HMBOX1: variants seen among roughly 807,000 people sequenced by gnomAD.
HMBOX1 encodes the protein homeobox-containing protein 1.
HMBOX1 carries 14 observed loss-of-function variants against 54.5 expected under a neutral mutation model. That is an observed-to-expected ratio of 0.26 (90% CI 0.17 to 0.40). HMBOX1 has a LOEUF of 0.40. Among genes scored for constraint, HMBOX1 ranks in the 10% least tolerant of loss-of-function variants. HMBOX1 has a pLI of 1.00. For missense variants in HMBOX1, 332 were observed against 514.4 expected (o/e 0.65, Z 3.43); for synonymous variants, 160 against 181.0 (o/e 0.88, Z 0.93).
At position 29,041,818 on chromosome 8, in the gene HMBOX1, T is replaced by G. The variant is rs114687295; in HGVS notation, c.852-3543T>G. Among the ~76,000 whole-genome samples, 334 of 151,696 alleles carry G rather than the reference T, an allele frequency of 2.2e-3. 1 individual carries two copies. Among genetic ancestry groups the G allele is most frequent in the African/African-American group, 7.7e-3 (318 of 41,332 alleles). On this transcript the variant is annotated intron_variant, in intron 6 of 9. Coordinates refer to ENST00000287701, the MANE Select transcript of HMBOX1 (RefSeq NM_001135726.3). The stretch of plus-strand genomic sequence containing the variant: ...AGCAGATAAAGATGTAGAGGTTGTT[T>G]GCGGGGGGACTTTGAACACCTCTAT...
chr8:28,907,981 G>C (rs1814668921), intron 1 of HMBOX1, among the ~76,000 whole-genome samples: 1 of 151,850 alleles, frequency 6.6e-6, no homozygotes, highest in African/African-American at 2.4e-5. Context: ...GATTATCTGG[G>C]ACCACAGGTA....
intron 5 of HMBOX1, among the ~76,000 whole-genome samples, chr8:29,011,715 T>G (rs78597210): frequency 6.7e-6 from 1 of 149,108 alleles, no homozygotes; most frequent in Non-Finnish European, 1.5e-5. Flanking sequence ...CCAAAGCTGG[T>G]TTTTTTTTTA....
chr8:28,957,754 C>A (rs1312303615), intron 1 of HMBOX1, among the ~76,000 whole-genome samples: 3 of 152,178 alleles, frequency 2.0e-5, no homozygotes, highest in Non-Finnish European at 4.4e-5. Context: ...TTCTGAGTAG[C>A]TGGGATTATA....
intron 1 of HMBOX1, among the ~76,000 whole-genome samples, chr8:28,920,140 C>T (rs1222068990): frequency 6.6e-6 from 1 of 152,152 alleles, no homozygotes; most frequent in African/African-American, 2.4e-5. Context: ...ACTTGACAAC[C>T]TAGTTTCAAA....
intron 1 of HMBOX1, among the ~76,000 whole-genome samples, chr8:28,906,206 T>C (rs1345239384): frequency 6.6e-6 from 1 of 152,238 alleles, no homozygotes; most frequent in Non-Finnish European, 1.5e-5. Flanking sequence ...CTTGTTAAAG[T>C]TGTTAATTAC....
chr8:28,992,608 T>G (rs1831149553), intron 4 of HMBOX1, among the ~76,000 whole-genome samples: 1 of 151,968 alleles, frequency 6.6e-6, no homozygotes, highest in South Asian at 2.1e-4. Flanking sequence ...CGGTGGCTCA[T>G]GCCTGTAATC....
chr8:29,050,934 G>A (rs1806354062), intron 9 of HMBOX1, 84 bp from the exon 10 acceptor site: 1 of 1,380,810 alleles, frequency 7.2e-7, no homozygotes, highest in Non-Finnish European at 9.9e-7. Flanking sequence ...CGAATGTTCT[G>A]CCTCCCCTTG....
At chr8:28,985,066 T>G (rs553211042) in intron 4 of HMBOX1, among the ~76,000 whole-genome samples, 1 of 152,352 alleles carries the variant, frequency 6.6e-6, no homozygotes, top group African/African-American at 2.4e-5. Flanking sequence ...CTTATTTTCC[T>G]TATGTATAAG....
intron 1 of HMBOX1, among the ~76,000 whole-genome samples, chr8:28,954,445 T>G (rs1481250107): frequency 1.3e-5 from 2 of 152,208 alleles, no homozygotes; most frequent in African/African-American, 2.4e-5. Context: ...TTCTTAATTC[T>G]TTGCTTTCTT....
chr8:28,946,581 A>AT (rs1468502025), intron 1 of HMBOX1, among the ~76,000 whole-genome samples: 3,594 of 150,840 alleles, frequency 0.024, 137 homozygotes, highest in African/African-American at 0.081. Context: ...AAAAAAAAAA[A>AT]ATATATACAA....
At chr8:28,925,737 T>C (rs1818331691) in intron 1 of HMBOX1, among the ~76,000 whole-genome samples, 1 of 152,152 alleles carries the variant, frequency 6.6e-6, no homozygotes, top group East Asian at 1.9e-4. Flanking sequence ...GAGAGACTTT[T>C]ATTTCAAGAA....
chr8:29,020,045 G>A (rs1321733027), intron 6 of HMBOX1, among the ~76,000 whole-genome samples: 4 of 152,118 alleles, frequency 2.6e-5, no homozygotes, highest in Non-Finnish European at 5.9e-5. Context: ...ATTGAATAAT[G>A]AATCCTTATA....
intron 4 of HMBOX1, among the ~76,000 whole-genome samples, chr8:28,987,564 T>G (rs1830351169): frequency 6.6e-6 from 1 of 152,172 alleles, no homozygotes; most frequent in African/African-American, 2.4e-5. Context: ...TAAATGCCAT[T>G]GCTTGTAAAT....
At chr8:29,017,263 G>C (rs1835176209) in intron 5 of HMBOX1, among the ~76,000 whole-genome samples, 1 of 152,162 alleles carries the variant, frequency 6.6e-6, no homozygotes, top group Non-Finnish European at 1.5e-5. Flanking sequence ...ATGGCCTCTG[G>C]TTTCCCCCAG....
intron 6 of HMBOX1, among the ~76,000 whole-genome samples, chr8:29,033,433 GAC>G (rs2133206280): frequency 6.6e-6 from 1 of 152,190 alleles, no homozygotes; most frequent in Admixed American, 6.5e-5. Context: ...CAATCCATTA[GAC>G]TATTTGAGGA....
intron 3 of HMBOX1, among the ~76,000 whole-genome samples, chr8:28,971,472 G>A (rs1413514923): frequency 6.6e-6 from 1 of 152,102 alleles, no homozygotes; most frequent in Non-Finnish European, 1.5e-5. Flanking sequence ...AACAGCATGT[G>A]TTTTCCATTA....
chr8:29,051,407 A>T lies in HMBOX1; in HGVS notation c.*252A>T. 1.5e-6 allele frequency: 1 copy of T among 651,856 alleles called. No individual in the cohort carries two copies. The highest frequency in any genetic ancestry group is 1.7e-5 in the South Asian group (1 of 59,360). The allele number at this position is 651,856 out of a possible 1,614,324, so 40.4% of individuals were successfully genotyped here. ...CTCTCCCAGCCCCCGAGGCTAGAAA[A>T]TCTTGCTGCTCCGTCTTAGCATTCC... On this transcript the variant is annotated 3_prime_UTR_variant, in exon 10 of 10. Coordinates refer to ENST00000287701, the MANE Select transcript of HMBOX1 (RefSeq NM_001135726.3).
At chr8:28,899,940 C>G (rs1017375670) in intron 1 of HMBOX1, among the ~76,000 whole-genome samples, 5 of 151,932 alleles carry the variant, frequency 3.3e-5, no homozygotes, top group Non-Finnish European at 5.9e-5. Flanking sequence ...GAAGAATTGC[C>G]TGGAAAAAGT....
chr8:28,924,788 T>G (rs1021845168), intron 1 of HMBOX1: 1 of 152,126 alleles, frequency 6.6e-6, no homozygotes, highest in Non-Finnish European at 1.5e-5. Flanking sequence ...AATTTTGTAT[T>G]TTTAGTAGAA....
Sources: gnomAD v4.1 joint callset for allele counts (sites outside exome capture counted in the v4.1 genomes callset) on GRCh38, gnomAD v4.1.1 for gene constraint, MANE v1.5 for transcripts, NCBI Gene and HGNC (gene_info 2026-07-23, HGNC 2026-07-21) for gene names.